EMX2: variants seen among roughly 807,000 people sequenced by gnomAD.
EMX2 encodes homeobox protein EMX2.
In EMX2, 6 loss-of-function variants were observed where a neutral mutation model predicts 23.0. The observed-to-expected ratio is 0.26, with a 90% confidence interval of 0.14 to 0.52. EMX2 has a LOEUF of 0.52. Among genes scored for constraint, EMX2 ranks in the 20% least tolerant of loss-of-function variants. The pLI is 0.97. For missense variants in EMX2, 302 were observed against 341.4 expected (o/e 0.88, Z 0.91); for synonymous variants, 175 against 153.3 (o/e 1.14, Z -1.04).
In EMX2 at chr10:117,548,450, G is replaced by T; in HGVS notation, c.*218G>T. 1 of 668,266 alleles carries T rather than the reference G, an allele frequency of 1.5e-6. No homozygotes were observed. The allele number at this position is 668,266 out of a possible 1,614,324, so 41.4% of individuals were successfully genotyped here. ...CCGCGCCAAGATGGCAGAGGATGGA[G>T]GCTCCTTCATCAACAAGCGACCCTC... is the stretch of plus-strand genomic sequence containing the variant. On this transcript the variant is annotated 3_prime_UTR_variant, in exon 3 of 3. Transcript: ENST00000553456.
In EMX2 at chr10:117,543,573, G is replaced by C. The variant is rs746267515; in HGVS notation, c.306G>C (p.Ser102=). 6.2e-7 allele frequency: 1 copy of C among 1,602,190 alleles called. No homozygotes were observed. The highest frequency in any genetic ancestry group is 2.3e-5 in the East Asian group (1 of 44,366). Residue 102 remains serine (S), a synonymous_variant, in exon 1 of 3, where the codon TCG becomes TCC. Coordinates refer to ENST00000553456, the MANE Select transcript of EMX2 (RefSeq NM_004098.4). ...TGGCCGCCCACCCCCTACCCTCCTC[G>C]CACTCGCCACACCCCCTATTCGCCT... ...HALAAHPLPS[S]HSPHPLFASQ... is the part of the protein sequence containing the mutation.
chr10:117,547,661 C>A (rs1383771143), intron 2 of EMX2, among the ~76,000 whole-genome samples: 1 of 152,258 alleles, frequency 6.6e-6, no homozygotes, highest in Non-Finnish European at 1.5e-5. Context: ...CTCTTGCACT[C>A]GCTTGCTGGA....
intron 1 of EMX2, among the ~76,000 whole-genome samples, chr10:117,545,408 G>A (rs1217197061): frequency 6.6e-6 from 1 of 152,156 alleles, no homozygotes; most frequent in Non-Finnish European, 1.5e-5. Flanking sequence ...CTGCGACAGC[G>A]GCTGGTTGGG....
In EMX2 at chr10:117,546,752, G is replaced by A. The variant is rs1044128717; in HGVS notation, c.591+936G>A. Among the ~76,000 whole-genome samples the A allele has an allele frequency of 3.9e-5, 6 of 152,246 alleles. No individual in the cohort carries two copies. The South Asian group carries it at 1.2e-3, about 31-fold the overall frequency. ...TTTGTGTGCGTGTCAAGCCCCGAGC[G>A]CACCGACGCGCGCCTTGGGCCAGCG... is the stretch of plus-strand genomic sequence containing the variant. On this transcript the variant is annotated intron_variant, in intron 2 of 2. Coordinates refer to ENST00000553456, the MANE Select transcript of EMX2 (RefSeq NM_004098.4).
rs1846620205 is a variant in EMX2 at position 117,548,931 on chromosome 10, G to T, written c.*699G>T. On this transcript the variant is annotated 3_prime_UTR_variant, in exon 3 of 3. Coordinates refer to ENST00000553456, the MANE Select transcript of EMX2 (RefSeq NM_004098.4). ...ACAGGTTCTGTGTGCTTTTTATTTT[G>T]ATTTTTTTTCCCAAGAAATGTGCAG... 1 of 330,016 alleles carries T rather than the reference G, an allele frequency of 3.0e-6. No individual in the cohort carries two copies. Among genetic ancestry groups the T allele is most frequent in the Non-Finnish European group, 5.4e-6 (1 of 183,708 alleles). The allele number at this position is 330,016 out of a possible 1,614,324, so 20.4% of individuals were successfully genotyped here.
chr10:117,543,393 C>G lies in EMX2; in HGVS notation c.126C>G (p.Ser42Arg). 1 of 1,583,900 alleles carries G rather than the reference C, an allele frequency of 6.3e-7. No homozygotes were observed. Among genetic ancestry groups the G allele is most frequent in the South Asian group, 1.1e-5 (1 of 87,500 alleles). The change falls in exon 1 of 3, where the codon AGC becomes AGG. Residue 42 changes from serine to arginine, a missense_variant. Physicochemically the swap from Ser to Arg is moderately radical, Grantham distance 110 (BLOSUM62 -1). Around this residue, in one of 4 missense-constraint regions of EMX2, gnomAD observed 221 missense variants for 206.8 expected, o/e 1.07. Transcript: ENST00000553456. Reference sequence around the variant, plus strand: ...CGGCACTCAGCTACGCTAACTCCAGCCCCATAAATCCGTTCCTCAACGGCT... The same window carrying G: ...CGGCACTCAGCTACGCTAACTCCAGGCCCATAAATCCGTTCCTCAACGGCT... Reference protein sequence around the residue: ...RPAALSYANSSPINPFLNGFH... With the variant: ...RPAALSYANSRPINPFLNGFH...
intron 2 of EMX2, among the ~76,000 whole-genome samples, chr10:117,547,284 A>G (rs1288488057): frequency 6.6e-6 from 1 of 152,068 alleles, no homozygotes; most frequent in Non-Finnish European, 1.5e-5. Context: ...GGCTGTTTAG[A>G]AGGAGGGAAG....
intron 1 of EMX2, chr10:117,545,248 G>A (rs1846559096): frequency 5.1e-6 from 1 of 197,232 alleles, no homozygotes; most frequent in Non-Finnish European, 1.0e-5. Context: ...AGAAGAGAAA[G>A]TAGTTTCTTC....
chr10:117,543,430 G>T lies in EMX2; in HGVS notation c.163G>T (p.Ala55Ser). ...NPFLNGFHSAAAAAAGRGVYS... is the reference protein window; with the variant it reads ...NPFLNGFHSASAAAAGRGVYS... ...GTTCCTCAACGGCTTCCACTCGGCCGCCGCCGCCGCCGCCGGTAGGGGCGT... is the reference window on the plus strand; with the variant it reads ...GTTCCTCAACGGCTTCCACTCGGCCTCCGCCGCCGCCGCCGGTAGGGGCGT... Residue 55 changes from alanine (A) to serine (S), a missense_variant, in exon 1 of 3, where the codon GCC becomes TCC. Around this residue, in one of 4 missense-constraint regions of EMX2, gnomAD observed 221 missense variants for 206.8 expected, o/e 1.07. Coordinates refer to ENST00000553456, the MANE Select transcript of EMX2 (RefSeq NM_004098.4). 2 of 1,592,974 alleles carry T rather than the reference G, an allele frequency of 1.3e-6. No individual in the cohort carries two copies. The highest frequency in any genetic ancestry group is 1.1e-5 in the South Asian group (1 of 89,580).
At position 117,543,528 on chromosome 10, in the gene EMX2, G is replaced by A. The variant is rs1846527319; in HGVS notation, c.261G>A (p.Pro87=). 2 of 1,005,180 alleles carry A rather than the reference G, an allele frequency of 2.0e-6. No homozygotes were observed. The highest frequency in any genetic ancestry group is 1.3e-5 in the South Asian group (1 of 79,212). The allele number at this position is 1,005,180 out of a possible 1,614,324, so 62.3% of individuals were successfully genotyped here. A position where few individuals can be genotyped will look rare whatever the true frequency, so the allele number is the denominator to read the frequency against. Residue 87 remains proline (P), a synonymous_variant, in exon 1 of 3, where the codon CCG becomes CCA. Transcript: ENST00000553456. The part of the protein sequence containing the change: ...HPPNPAVPVH[P]VPPPHALAAH... The stretch of plus-strand genomic sequence containing the variant: ...CCAACCCCGCCGTGCCAGTGCACCC[G>A]GTGCCGCCGCCGCACGCCCTGGCCG...
At chr10:117,546,406 C>T (rs1589649575) in intron 2 of EMX2, among the ~76,000 whole-genome samples, 1 of 152,194 alleles carries the variant, frequency 6.6e-6, no homozygotes, top group Non-Finnish European at 1.5e-5. Flanking sequence ...GGTCCCTGGG[C>T]GGGCCTGGCT....
In EMX2 at chr10:117,548,558, G is replaced by C; in HGVS notation, c.*326G>C. 1.9e-6 allele frequency: 1 copy of C among 525,714 alleles called. No homozygotes were observed. The highest frequency in any genetic ancestry group is 1.9e-5 in the African/African-American group (1 of 51,960). The allele number at this position is 525,714 out of a possible 1,614,324, so 32.6% of individuals were successfully genotyped here. A position where few individuals can be genotyped will look rare whatever the true frequency, so the allele number is the denominator to read the frequency against. ...AGAGAAAGAGAGAGAAAGAGAGAGAGAGAGAGAGAGAGAGAAAGCTGAACG... is the reference window on the plus strand; with the variant it reads ...AGAGAAAGAGAGAGAAAGAGAGAGACAGAGAGAGAGAGAGAAAGCTGAACG... On this transcript the variant is annotated 3_prime_UTR_variant, in exon 3 of 3. Coordinates refer to ENST00000553456, the MANE Select transcript of EMX2 (RefSeq NM_004098.4).
intron 1 of EMX2, 45 bp downstream of exon 1, chr10:117,543,718 T>G (rs1212988502): frequency 6.2e-7 from 1 of 1,613,038 alleles, no homozygotes; most frequent in South Asian, 1.1e-5. Context: ...TCCCGCCGCA[T>G]CCTTCACTGC....
intron 2 of EMX2, among the ~76,000 whole-genome samples, chr10:117,546,622 G>A (rs1169531225): frequency 1.3e-5 from 2 of 152,264 alleles, no homozygotes; most frequent in African/African-American, 4.8e-5. Flanking sequence ...AGGGCCTGGC[G>A]GGTTTGTGCG....
Position 117,548,124 on chromosome 10 carries a change from A to C in EMX2, c.651A>C (p.Glu217Asp), listed in dbSNP as rs1272668335. Residue 217 changes from glutamate (E) to aspartate (D), a missense_variant, in exon 3 of 3, where the codon GAA (glutamate) becomes GAC (aspartate). By Grantham distance (45) the Glu-to-Asp change is conservative (BLOSUM62 2). Around this residue, in one of 4 missense-constraint regions of EMX2, gnomAD observed 42 missense variants for 49.3 expected, o/e 0.85. Coordinates refer to ENST00000553456, the MANE Select transcript of EMX2 (RefSeq NM_004098.4). ...TCAAAAGGCAGAAGCTGGAGGAAGA[A>C]GGCTCAGATTCGCAACAAAAGAAAA... ...TKFKRQKLEE[E>D]GSDSQQKKKG... is the part of the protein sequence containing the mutation. 2 of 1,613,878 alleles carry C rather than the reference A, an allele frequency of 1.2e-6. No homozygotes were observed. The highest frequency in any genetic ancestry group is 1.7e-6 in the Non-Finnish European group (2 of 1,179,918).
At chr10:117,548,032 A>G (rs771843478) in intron 2 of EMX2, 33 bp from the exon 3 acceptor site, 4 of 1,591,012 alleles carry the variant, frequency 2.5e-6, no homozygotes, top group Non-Finnish European at 3.4e-6. Context: ...GCTCTGAAAG[A>G]ACTAACGCAC....
Position 117,543,480 on chromosome 10 carries a change from C to T in EMX2, c.213C>T (p.Phe71=). ...RGVYSNPDLV[F]AEAVSHPPNP... ...TCTACTCCAACCCGGACTTGGTGTT[C>T]GCCGAGGCGGTCTCGCACCCGCCCA... is the stretch of plus-strand genomic sequence containing the variant. Residue 71 remains phenylalanine, a synonymous_variant, in exon 1 of 3, where the codon TTC becomes TTT. Coordinates refer to ENST00000553456, the MANE Select transcript of EMX2 (RefSeq NM_004098.4). The T allele has an allele frequency of 6.2e-7, 1 of 1,609,810 alleles. No homozygotes were observed. The highest frequency in any genetic ancestry group is 8.5e-7 in the Non-Finnish European group (1 of 1,178,576).
At position 117,548,412 on chromosome 10, in the gene EMX2, T is replaced by C. The variant is rs1189026569; in HGVS notation, c.*180T>C. The C allele has an allele frequency of 2.0e-6, 2 of 1,017,720 alleles. No homozygotes were observed. Among genetic ancestry groups the C allele is most frequent in the Non-Finnish European group, 2.8e-6 (2 of 718,946 alleles). 63.0% of individuals were successfully genotyped at this position (1,017,720 alleles called of 1,614,324 possible). A position where few individuals can be genotyped will look rare whatever the true frequency, so the allele number is the denominator to read the frequency against. On this transcript the variant is annotated 3_prime_UTR_variant, in exon 3 of 3. Coordinates refer to ENST00000553456, the MANE Select transcript of EMX2 (RefSeq NM_004098.4). ...GACTCTGGACAGCGAGGGCACAGGG[T>C]CCCAAACCGAGGCCGCGCCAAGATG...
chr10:117,542,980 C>G lies in EMX2; in HGVS notation c.-288C>G, dbSNP rs958969498. On this transcript the variant is annotated 5_prime_UTR_variant, in exon 1 of 3. Coordinates refer to ENST00000553456, the MANE Select transcript of EMX2 (RefSeq NM_004098.4). Reference sequence around the variant, plus strand: ...AAAGAAAAAAAATTACCCCAATCCACGCCTGCAAATTCTTCTGGAAGGATT... The same window carrying G: ...AAAGAAAAAAAATTACCCCAATCCAGGCCTGCAAATTCTTCTGGAAGGATT... 1 of 351,422 alleles carries G rather than the reference C, an allele frequency of 2.8e-6. No individual in the cohort carries two copies. Among genetic ancestry groups the G allele is most frequent in the Non-Finnish European group, 5.0e-6 (1 of 199,318 alleles). The allele number at this position is 351,422 out of a possible 1,614,324, so 21.8% of individuals were successfully genotyped here.
Sources: allele counts gnomAD v4.1 joint callset (sites outside exome capture counted in the v4.1 genomes callset), GRCh38; gene constraint gnomAD v4.1.1; regional missense constraint gnomAD v4.1.1; transcripts MANE v1.5; gene names NCBI Gene and HGNC (gene_info 2026-07-23, HGNC 2026-07-21).